TSPAN7: variants seen among roughly 807,000 people sequenced by gnomAD.
The protein encoded by TSPAN7 is tetraspanin-7.
TSPAN7 carries 1 observed loss-of-function variant against 17.6 expected under a neutral mutation model. The observed-to-expected ratio is 0.06, with a 90% confidence interval of 0.02 to 0.27. TSPAN7 has a LOEUF of 0.27. Ranked by LOEUF, TSPAN7 falls within the 10% of genes least tolerant of loss-of-function variation. The pLI is 1.00. For synonymous variants in TSPAN7, 78 were observed against 79.0 expected (o/e 0.99, Z 0.07); for missense variants, 112 against 201.7 (o/e 0.56, Z 2.69).
At chrX:38,676,759 T>C (rs2069856398) in intron 5 of TSPAN7, among the ~76,000 whole-genome samples, 1 of 112,232 alleles carries the variant, frequency 8.9e-6, no homozygotes, top group Non-Finnish European at 1.9e-5. Context: ...GATAGTTCAG[T>C]AAGATTCAGT....
chrX:38,620,494 C>T (rs780765707), intron 1 of TSPAN7, among the ~76,000 whole-genome samples: 32 of 111,461 alleles, frequency 2.9e-4, no homozygotes, highest in Non-Finnish European at 5.1e-4. Flanking sequence ...TATCTTAATT[C>T]ATTCTGTGTC....
intron 1 of TSPAN7, among the ~76,000 whole-genome samples, chrX:38,576,689 A>G (rs1448077578): frequency 8.9e-6 from 1 of 111,793 alleles, no homozygotes; most frequent in African/African-American, 3.3e-5. Context: ...GAATGACAGG[A>G]TTTTGACAAG....
At chrX:38,595,708 T>C (rs2069315970) in intron 1 of TSPAN7, among the ~76,000 whole-genome samples, 1 of 111,922 alleles carries the variant, frequency 8.9e-6, no homozygotes, top group African/African-American at 3.2e-5. Context: ...GAACCCTATG[T>C]TTGGTTTCAA....
chrX:38,606,644 C>A (rs1443394324), intron 1 of TSPAN7, among the ~76,000 whole-genome samples: 1 of 111,256 alleles, frequency 9.0e-6, no homozygotes, highest in Non-Finnish European at 1.9e-5. Context: ...CACCAGACAC[C>A]CACCCCCAAC....
At chrX:38,671,557 A>G in intron 3 of TSPAN7, 107 bp downstream of exon 3, 4 of 781,843 alleles carry the variant, frequency 5.1e-6, no homozygotes, top group Non-Finnish European at 7.9e-6. Flanking sequence ...TGTTTTCCTC[A>G]GTGGTGTTGT....
chrX:38,628,798 C>A (rs934947301), intron 1 of TSPAN7, among the ~76,000 whole-genome samples: 15 of 111,606 alleles, frequency 1.3e-4, no homozygotes, highest in African/African-American at 4.9e-4. Flanking sequence ...TTGATGACAT[C>A]ATCATTAAAA....
chrX:38,656,221 ACT>A (rs2069703891), intron 1 of TSPAN7: 2 of 187,197 alleles, frequency 1.1e-5, no homozygotes, highest in Non-Finnish European at 2.1e-5. Context: ...TCCCCACATG[ACT>A]CTTAAAATCT....
At chrX:38,622,951 A>G (rs1481941093) in intron 1 of TSPAN7, 1 of 331,649 alleles carries the variant, frequency 3.0e-6, no homozygotes, top group Admixed American at 3.1e-5. Flanking sequence ...TCATTTACAT[A>G]ACAAGTAATA....
At position 38,688,780 on chromosome X, in the gene TSPAN7, T is replaced by A. The variant is rs1180376694; in HGVS notation, c.*849T>A. 2 of 112,671 alleles carry A rather than the reference T, an allele frequency of 1.8e-5. No individual in the cohort carries two copies. The highest frequency in any genetic ancestry group is 3.8e-5 in the Non-Finnish European group (2 of 53,306). The allele number at this position is 112,671 out of a possible 1,213,427, so 9.3% of individuals were successfully genotyped here. On this transcript the variant is annotated 3_prime_UTR_variant, in exon 8 of 8. Transcript: ENST00000378482. ...GGACCTCATCCAAACAATTTAAAAA[T>A]GAGTGTGAAGGGGGAACAAGTCAAA... is the stretch of plus-strand genomic sequence containing the variant.
intron 1 of TSPAN7, chrX:38,566,398 C>T (rs1357075097): frequency 4.6e-6 from 4 of 871,483 alleles, no homozygotes; most frequent in Admixed American, 3.6e-5. Flanking sequence ...CAATGTCAGG[C>T]TTATAGTAGG....
At chrX:38,651,801 T>C (rs2069677629) in intron 1 of TSPAN7, among the ~76,000 whole-genome samples, 1 of 112,085 alleles carries the variant, frequency 8.9e-6, no homozygotes, top group Non-Finnish European at 1.9e-5. Flanking sequence ...AATAGCACCT[T>C]ATTAGATACT....
chrX:38,606,757 G>T (rs1490681335), intron 1 of TSPAN7, among the ~76,000 whole-genome samples: 2 of 112,100 alleles, frequency 1.8e-5, no homozygotes, highest in African/African-American at 3.2e-5. Flanking sequence ...TCCAGAGGAA[G>T]TATTTTTAAA....
intron 6 of TSPAN7, among the ~76,000 whole-genome samples, chrX:38,682,745 T>C (rs2069900794): frequency 8.9e-6 from 1 of 112,181 alleles, no homozygotes; most frequent in Non-Finnish European, 1.9e-5. Context: ...GCAAATTAAC[T>C]CAGTCTCCAG....
intron 1 of TSPAN7, among the ~76,000 whole-genome samples, chrX:38,607,546 C>T (rs1397785863): frequency 1.8e-5 from 2 of 111,462 alleles, no homozygotes; most frequent in Non-Finnish European, 3.8e-5. Context: ...ATTGAGTGGA[C>T]TTGTGGTGGG....
intron 1 of TSPAN7, among the ~76,000 whole-genome samples, chrX:38,642,149 T>A (rs185048080): frequency 1.7e-3 from 188 of 111,725 alleles, no homozygotes; most frequent in African/African-American, 4.8e-3. Context: ...TCTGCAGTGG[T>A]TCCCAGAGAT....
intron 5 of TSPAN7, among the ~76,000 whole-genome samples, chrX:38,680,164 T>A (rs1052518233): frequency 6.3e-5 from 7 of 111,812 alleles, no homozygotes; most frequent in African/African-American, 2.3e-4. Context: ...ACTGGTAAGT[T>A]AATGCACCAT....
intron 1 of TSPAN7, among the ~76,000 whole-genome samples, chrX:38,604,903 C>T (rs1288490116): frequency 1.8e-5 from 2 of 111,054 alleles, no homozygotes; most frequent in African/African-American, 6.6e-5. Flanking sequence ...ATTGATGGGA[C>T]GTATCTCAAA....
At chrX:38,639,017 G>A (rs1438847109) in intron 1 of TSPAN7, among the ~76,000 whole-genome samples, 4 of 111,146 alleles carry the variant, frequency 3.6e-5, no homozygotes, top group Admixed American at 9.6e-5. Flanking sequence ...CTATCTTTAC[G>A]ACACCCTTTG....
intron 5 of TSPAN7, among the ~76,000 whole-genome samples, chrX:38,679,016 G>A (rs1293939292): frequency 1.8e-5 from 2 of 111,826 alleles, no homozygotes; most frequent in African/African-American, 6.5e-5. Flanking sequence ...CATACATTGA[G>A]GAACAAGGTT....
Sources: allele counts gnomAD v4.1 joint callset (sites outside exome capture counted in the v4.1 genomes callset), GRCh38; gene constraint gnomAD v4.1.1; transcripts MANE v1.5; gene names NCBI Gene and HGNC (gene_info 2026-07-23, HGNC 2026-07-21).